Variants in DAPK3 observed in about 807,000 individuals in gnomAD.
DAPK3 encodes death-associated protein kinase 3.
Under a neutral mutation model 30.6 loss-of-function variants are expected in DAPK3, and 24 were observed. That is an observed-to-expected ratio of 0.78 (90% CI 0.57 to 1.10). DAPK3 has a LOEUF of 1.10. Among genes scored for constraint, DAPK3 ranks in the 50% least tolerant of loss-of-function variants. The pLI, the probability that DAPK3 is intolerant of heterozygous loss-of-function variation, is 0.00. For missense variants in DAPK3, 629 were observed against 657.3 expected, an observed-to-expected ratio of 0.96 and a Z score of 0.47; for synonymous variants, 341 against 284.0, an observed-to-expected ratio of 1.20 and a Z score of -2.02.
chr19:3,969,504 G>A (rs1296532726), intron 2 of DAPK3, among the ~76,000 whole-genome samples, 170 bp downstream of exon 2: 1 of 152,140 alleles, frequency 6.6e-6, no homozygotes, highest in African/African-American at 2.4e-5. Flanking sequence ...GGAATTCACA[G>A]CCGGGGCTGT....
Position 3,968,666 on chromosome 19 carries a change from G to A in DAPK3, c.62+1008C>T, listed in dbSNP as rs555042518. ...CCTAGCAGGAGGGGTCAACACTGAA[G>A]CATGAGAAGGGGGAGGAGGGAGCAT... On this transcript the variant is annotated intron_variant, in intron 2 of 8. Coordinates refer to ENST00000545797, the MANE Select transcript of DAPK3 (RefSeq NM_001348.3). 1.2e-3 allele frequency among the ~76,000 whole-genome samples: 176 copies of A among 152,248 alleles called. 1 individual carries two copies. The highest frequency in any genetic ancestry group is 4.2e-3 in the African/African-American group (173 of 41,544).
rs1051045261 is a variant in DAPK3 at position 3,969,728 on chromosome 19, G to T, written c.8C>A (p.Thr3Lys). Residue 3 changes from threonine (T) to lysine (K), a missense_variant, in exon 2 of 9, where the codon ACG becomes AAG. Thr to Lys is a moderately conservative substitution (Grantham distance 78). Transcript: ENST00000545797. ...GTCCTCCACGTCCTCCTGCCTGAAC[G>T]TGGACATGGCGGCCGGTCCGCCTTC... MS[T>K]FRQEDVEDHY... 1 of 1,611,474 alleles carries T rather than the reference G, an allele frequency of 6.2e-7. No individual in the cohort carries two copies. The highest frequency in any genetic ancestry group is 8.5e-7 in the Non-Finnish European group (1 of 1,178,686).
intron 6 of DAPK3, chr19:3,961,462 C>T (rs376274818): frequency 1.1e-5 from 6 of 560,340 alleles, no homozygotes; most frequent in African/African-American, 3.8e-5. Context: ...TGCTCAGTAA[C>T]GCCGAGGGGA....
chr19:3,960,328 G>C (rs1457840665), intron 7 of DAPK3, among the ~76,000 whole-genome samples: 1 of 152,194 alleles, frequency 6.6e-6, no homozygotes, highest in Non-Finnish European at 1.5e-5. Context: ...GCGCCCGAGA[G>C]AGGGACTGGG....
At chr19:3,960,023 G>C in intron 8 of DAPK3, 36 bp downstream of exon 8, 7 of 1,224,908 alleles carry the variant, frequency 5.7e-6, no homozygotes, top group South Asian at 1.2e-5. Flanking sequence ...AGGCCAAGGC[G>C]GGAAGCCCAG....
chr19:3,965,277 G>A lies in DAPK3; in HGVS notation c.63-286C>T, dbSNP rs186409926. Among the ~76,000 whole-genome samples, 551 of 152,330 alleles carry A rather than the reference G, an allele frequency of 3.6e-3. 4 individuals are homozygous for A. The highest frequency in any genetic ancestry group is 5.3e-3 in the Non-Finnish European group (360 of 68,026). On this transcript the variant is annotated intron_variant, in intron 2 of 8. Transcript: ENST00000545797. ...CACACGTTAACACCATGGCACCGGCGTATTTTTGAAAAGTGAAAGAATGAA... is the reference window on the plus strand; with the variant it reads ...CACACGTTAACACCATGGCACCGGCATATTTTTGAAAAGTGAAAGAATGAA...
Position 3,964,298 on chromosome 19 carries a change from T to G in DAPK3, c.499A>C (p.Lys167Gln). Residue 167 changes from lysine to glutamine, a missense_variant, in exon 4 of 9, where the codon AAG (lysine) becomes CAG (glutamine). Around this residue, in one of 2 missense-constraint regions of DAPK3, gnomAD observed 306 missense variants for 378.5 expected, o/e 0.81. Transcript: ENST00000545797. ...IKLIDFGIAH[K>Q]IEAGNEFKNI... ...TTGAACTCGTTCCCCGCCTCGATCT[T>G]GTGCGCGATGCCGAAGTCGATGAGC... 6.2e-7 allele frequency: 1 copy of G among 1,613,652 alleles called. No homozygotes were observed. The highest frequency in any genetic ancestry group is 8.5e-7 in the Non-Finnish European group (1 of 1,179,606).
At chr19:3,967,690 G>GA (rs1304544675) in intron 2 of DAPK3, among the ~76,000 whole-genome samples, 9 of 152,352 alleles carry the variant, frequency 5.9e-5, no homozygotes, top group Non-Finnish European at 1.2e-4. Flanking sequence ...GGGAGGCGAA[G>GA]ATTGCAGTGA....
At chr19:3,965,272 C>T (rs2039565626) in intron 2 of DAPK3, among the ~76,000 whole-genome samples, 1 of 152,212 alleles carries the variant, frequency 6.6e-6, no homozygotes, top group Admixed American at 6.5e-5. Context: ...CACCATGGCA[C>T]CGGCGTATTT....
At position 3,963,242 on chromosome 19, in the gene DAPK3, G is replaced by A. The variant is rs910347252; in HGVS notation, c.629+401C>T. 3.9e-5 allele frequency among the ~76,000 whole-genome samples: 6 copies of A among 152,272 alleles called. No individual in the cohort carries two copies. In the East Asian group the frequency reaches 5.8e-4, roughly 15 times the overall value. The stretch of plus-strand genomic sequence containing the variant: ...GAGCTAGGACAGCACTCCAGCCTGG[G>A]CAAGAGAGTAAGACCCCGTCTCAAC... On this transcript the variant is annotated intron_variant, in intron 6 of 8. Coordinates refer to ENST00000545797, the MANE Select transcript of DAPK3 (RefSeq NM_001348.3).
chr19:3,963,248 G>C (rs1013356577), intron 6 of DAPK3, among the ~76,000 whole-genome samples: 1 of 152,158 alleles, frequency 6.6e-6, no homozygotes, highest in Non-Finnish European at 1.5e-5. Context: ...CTGGGCAAGA[G>C]AGTAAGACCC....
At chr19:3,968,871 T>C (rs1157845583) in intron 2 of DAPK3, among the ~76,000 whole-genome samples, 5 of 151,996 alleles carry the variant, frequency 3.3e-5, no homozygotes, top group Non-Finnish European at 7.4e-5. Context: ...GGCTGGAGGC[T>C]CTACAAAAGG....
At chr19:3,967,835 C>A (rs1386824960) in intron 2 of DAPK3, among the ~76,000 whole-genome samples, 1 of 152,184 alleles carries the variant, frequency 6.6e-6, no homozygotes, top group East Asian at 1.9e-4. Flanking sequence ...AGACCACTAC[C>A]TGAAGCAGTG....
Position 3,959,207 on chromosome 19 carries a change from T to G in DAPK3, c.1259A>C (p.Tyr420Ser), listed in dbSNP as rs2039474566. ...GGCTACTTGCTTGGCCAGCGCCTCG[T>G]AGCGGTTCTCCAGGCGGCTGAAGCG... ...KRRFSRLENR[Y>S]EALAKQVASE... The change falls in exon 9 of 9, where the codon TAC (tyrosine) becomes TCC (serine). Residue 420 changes from tyrosine (Y) to serine (S), a missense_variant. Physicochemically the swap from Tyr to Ser is moderately radical, Grantham distance 144. This residue lies in a region of DAPK3 where 323 missense variants were observed against 278.8 expected (regional missense o/e 1.16). Transcript: ENST00000545797. 2 of 1,600,494 alleles carry G rather than the reference T, an allele frequency of 1.2e-6. No homozygotes were observed. Among genetic ancestry groups the G allele is most frequent in the African/African-American group, 2.7e-5 (2 of 74,818 alleles).
intron 3 of DAPK3, 56 bp from the exon 4 acceptor site, chr19:3,964,429 C>CA: frequency 6.9e-7 from 1 of 1,445,894 alleles, no homozygotes; most frequent in Non-Finnish European, 9.4e-7. Context: ...CCCTCACCCC[C>CA]ACGCTCCCCA....
intron 6 of DAPK3, 99 bp downstream of exon 6, chr19:3,963,544 G>A: frequency 1.4e-6 from 1 of 692,944 alleles, no homozygotes; most frequent in Non-Finnish European, 2.4e-6. Flanking sequence ...ATGGGTCACA[G>A]CCAGGCTGGG....
intron 2 of DAPK3, 122 bp downstream of exon 2, chr19:3,969,552 A>G: frequency 1.5e-6 from 1 of 676,448 alleles, no homozygotes; most frequent in Non-Finnish European, 2.6e-6. Flanking sequence ...CCACCGCATG[A>G]TACTGACTCA....
At chr19:3,963,434 C>T (rs2039539847) in intron 6 of DAPK3, among the ~76,000 whole-genome samples, 1 of 121,700 alleles carries the variant, frequency 8.2e-6, no homozygotes, top group East Asian at 3.4e-4. Flanking sequence ...TGCTCAGCCG[C>T]TCTGTGAGTG....
rs527836528 is a variant in DAPK3, at chr19:3,964,372, G to A, written c.425C>T (p.Pro142Leu). 6 of 1,611,438 alleles carry A rather than the reference G, an allele frequency of 3.7e-6. No homozygotes were observed. The highest frequency in any genetic ancestry group is 2.2e-5 in the East Asian group (1 of 44,792). Residue 142 changes from proline to leucine, a missense_variant and splice_region_variant, in exon 4 of 9, where the codon CCG becomes CTG. Transcript: ENST00000545797. Reference protein sequence around the residue: ...SKRIAHFDLKPENIMLLDKNV... With the variant: ...SKRIAHFDLKLENIMLLDKNV... ...CTTGTCCAGCAGCATGATGTTTTCC[G>A]GCTGGGGTGGGAGGAGGCTCAGCAG...
Sources: allele counts gnomAD v4.1 joint callset (sites outside exome capture counted in the v4.1 genomes callset), GRCh38; gene constraint gnomAD v4.1.1; regional missense constraint gnomAD v4.1.1; transcripts MANE v1.5; gene names NCBI Gene and HGNC (gene_info 2026-07-23, HGNC 2026-07-21).